Variants in TMEM47 observed in about 807,000 individuals in gnomAD.
TMEM47 encodes the protein brain cell membrane protein 1.
In TMEM47, 3 loss-of-function variants were observed where a neutral mutation model predicts 12.4. The observed-to-expected ratio is 0.24, with a 90% CI of 0.11 to 0.63. The LOEUF (loss-of-function observed/expected upper bound fraction) is 0.63, where lower values mean the gene tolerates loss of function less well. Among genes scored for constraint, TMEM47 ranks in the 20% least tolerant of loss-of-function variants. The pLI, the probability that TMEM47 is intolerant of heterozygous loss-of-function variation, is 0.86. For missense variants in TMEM47, 89 were observed against 143.8 expected, an observed-to-expected ratio of 0.62 and a Z score of 1.95; for synonymous variants, 62 against 63.3, an observed-to-expected ratio of 0.98 and a Z score of 0.10.
At position 34,640,418 on chromosome X, in the gene TMEM47, G is replaced by T. The variant is rs142989540; in HGVS notation, c.227-1031C>A. 8.2e-3 allele frequency among the ~76,000 whole-genome samples: 921 copies of T among 111,650 alleles called. 5 individuals are homozygous for T. The highest frequency in any genetic ancestry group is 0.029 in the African/African-American group (885 of 30,690). On this transcript the variant is annotated intron_variant, in intron 1 of 2. Transcript: ENST00000275954. ...TGTAGAAATAGTATGATGAAAAACT[G>T]GCCCATTTTCCATTCATAAGAATGG...
At chrX:34,645,784 C>T (rs1279757298) in intron 1 of TMEM47, among the ~76,000 whole-genome samples, 1 of 111,930 alleles carries the variant, frequency 8.9e-6, no homozygotes, top group Admixed American at 9.5e-5. Context: ...TATGAGGATA[C>T]TGCCTTTCCA....
intron 1 of TMEM47, among the ~76,000 whole-genome samples, chrX:34,648,206 CA>C (rs1334577297): frequency 9.0e-6 from 1 of 111,288 alleles, no homozygotes; most frequent in Admixed American, 9.6e-5. Flanking sequence ...CATATGGAAC[CA>C]AAAAAAGAGC....
chrX:34,639,999 C>CT (rs1286939543), intron 1 of TMEM47, among the ~76,000 whole-genome samples: 2 of 111,248 alleles, frequency 1.8e-5, no homozygotes, highest in African/African-American at 3.3e-5. Context: ...GTAGTATATT[C>CT]TTTTTTTTAT....
At position 34,629,617 on chromosome X, in the gene TMEM47, C is replaced by T. The variant is rs1289361373; in HGVS notation, c.*696G>A. Reference sequence around the variant, plus strand: ...TTCTTTCTGTTTGCCCCAGGAAAAACAGAGATCCTCAATTTTTCCCCAGTC... The same window carrying T: ...TTCTTTCTGTTTGCCCCAGGAAAAATAGAGATCCTCAATTTTTCCCCAGTC... On this transcript the variant is annotated 3_prime_UTR_variant, in exon 3 of 3. Transcript: ENST00000275954. The T allele has an allele frequency of 1.8e-5, 2 of 111,498 alleles. No homozygotes were observed. Among genetic ancestry groups the T allele is most frequent in the East Asian group, 5.6e-4 (2 of 3,542 alleles). 9.2% of individuals were successfully genotyped at this position (111,498 alleles called of 1,213,427 possible).
At chrX:34,649,449 C>A (rs1921974811) in intron 1 of TMEM47, among the ~76,000 whole-genome samples, 1 of 111,282 alleles carries the variant, frequency 9.0e-6, no homozygotes, top group Non-Finnish European at 1.9e-5. Context: ...AACGCAGGAA[C>A]AGAAAACCAA....
chrX:34,646,216 C>G (rs777504480), intron 1 of TMEM47, among the ~76,000 whole-genome samples: 16 of 111,803 alleles, frequency 1.4e-4, no homozygotes, highest in Non-Finnish European at 2.8e-4. Context: ...AACACACATA[C>G]TTTTTATTTT....
At chrX:34,635,224 G>C (rs913739820) in intron 2 of TMEM47, among the ~76,000 whole-genome samples, 1 of 111,510 alleles carries the variant, frequency 9.0e-6, no homozygotes, top group Non-Finnish European at 1.9e-5. Context: ...CTCTGAATGA[G>C]ATTATTCTCG....
intron 1 of TMEM47, among the ~76,000 whole-genome samples, chrX:34,641,744 A>C (rs1280977194): frequency 8.9e-6 from 1 of 112,547 alleles, no homozygotes; most frequent in Non-Finnish European, 1.9e-5. Context: ...CCAGACGAGA[A>C]ATATTTTTGG....
chrX:34,646,844 TC>T (rs752590811), intron 1 of TMEM47, among the ~76,000 whole-genome samples: 2 of 111,564 alleles, frequency 1.8e-5, no homozygotes, highest in Admixed American at 1.9e-4. Flanking sequence ...AAGCTAGTAC[TC>T]CCACCAGCTC....
chrX:34,628,876 C>T lies in TMEM47; in HGVS notation c.*1437G>A. On this transcript the variant is annotated 3_prime_UTR_variant, in exon 3 of 3. Coordinates refer to ENST00000275954, the MANE Select transcript of TMEM47 (RefSeq NM_031442.4). ...ATTTGTATATTAAACAGAATTAACA[C>T]AAGTTTGCAGCATGAGATTAGTTGC... 2 of 111,856 alleles carry T rather than the reference C, an allele frequency of 1.8e-5. No homozygotes were observed. Among genetic ancestry groups the T allele is most frequent in the East Asian group, 5.6e-4 (2 of 3,556 alleles). The allele number at this position is 111,856 out of a possible 1,213,427, so 9.2% of individuals were successfully genotyped here. A position where few individuals can be genotyped will look rare whatever the true frequency, so the allele number is the denominator to read the frequency against.
Position 34,656,924 on chromosome X carries a change from C to T in TMEM47, c.106G>A (p.Gly36Arg). The change falls in exon 1 of 3, where the codon GGG becomes AGG. Residue 36 changes from glycine (G) to arginine (R), a missense_variant. Gly to Arg is a moderately radical substitution (Grantham distance 125). Coordinates refer to ENST00000275954, the MANE Select transcript of TMEM47 (RefSeq NM_031442.4). ...CIFLALCLDL[G>R]AVLSPAWVTA... The stretch of plus-strand genomic sequence containing the variant: ...ACCCAGGCCGGGCTCAGCACCGCCC[C>T]CAGGTCCAGACACAGCGCCAGGAAG... 1 of 1,185,577 alleles carries T rather than the reference C, an allele frequency of 8.4e-7. No homozygotes were observed. The highest frequency in any genetic ancestry group is 1.1e-6 in the Non-Finnish European group (1 of 882,393).
rs141885084 is a variant in TMEM47 at position 34,631,792 on chromosome X, A to G, written c.368-1301T>C. ...TTTATGTTGTGGATATGCACAAGAC[A>G]TAATGTCTTCCACTTAAAATTCTTA... On this transcript the variant is annotated intron_variant, in intron 2 of 2. Coordinates refer to ENST00000275954, the MANE Select transcript of TMEM47 (RefSeq NM_031442.4). Among the ~76,000 whole-genome samples, 375 of 112,575 alleles carry G rather than the reference A, an allele frequency of 3.3e-3. 2 individuals carry two copies. The highest frequency in any genetic ancestry group is 0.011 in the African/African-American group (348 of 31,057).
At chrX:34,652,950 A>G (rs933664326) in intron 1 of TMEM47, among the ~76,000 whole-genome samples, 14 of 112,332 alleles carry the variant, frequency 1.2e-4, no homozygotes, top group African/African-American at 4.5e-4. Context: ...TCCCCGGAGC[A>G]AATCACATTG....
intron 1 of TMEM47, among the ~76,000 whole-genome samples, chrX:34,646,802 C>T (rs1921919471): frequency 9.0e-6 from 1 of 110,969 alleles, no homozygotes; most frequent in African/African-American, 3.3e-5. Context: ...TTAAGATACC[C>T]CTTTAGTAAA....
At chrX:34,645,850 T>C (rs147875773) in intron 1 of TMEM47, among the ~76,000 whole-genome samples, 52 of 112,293 alleles carry the variant, frequency 4.6e-4, no homozygotes, top group Non-Finnish European at 9.0e-4. Flanking sequence ...ATAAATACTA[T>C]GTGTGTTGTG....
chrX:34,635,009 C>T lies in TMEM47; in HGVS notation c.367+4238G>A, dbSNP rs560150654. On this transcript the variant is annotated intron_variant, in intron 2 of 2. Coordinates refer to ENST00000275954, the MANE Select transcript of TMEM47 (RefSeq NM_031442.4). ...TCCTATCCATATATTTTTATCTTCC[C>T]CACTTCAGTACATGCTACCCTGACT... 2.7e-5 allele frequency among the ~76,000 whole-genome samples: 3 copies of T among 111,681 alleles called. No homozygotes were observed. The South Asian group carries it at 1.1e-3, about 42-fold the overall frequency.
At chrX:34,651,321 C>G (rs2039214414) in intron 1 of TMEM47, among the ~76,000 whole-genome samples, 1 of 111,983 alleles carries the variant, frequency 8.9e-6, no homozygotes, top group African/African-American at 3.3e-5. Context: ...ATCCTAAGAC[C>G]ACAATGCTAG....
intron 2 of TMEM47, among the ~76,000 whole-genome samples, chrX:34,637,302 G>A (rs1005164811): frequency 2.1e-4 from 23 of 109,310 alleles, no homozygotes; most frequent in African/African-American, 7.3e-4. Context: ...AAGGTAATAA[G>A]CCCGCCCTAA....
Position 34,629,835 on chromosome X carries a change from T to C in TMEM47, c.*478A>G, listed in dbSNP as rs764721955. Reference sequence around the variant, plus strand: ...CATTAGATGCTGAAGGGCAGTTCATTTTTCAAGGGCTCACTCAAGCAAATA... The same window carrying C: ...CATTAGATGCTGAAGGGCAGTTCATCTTTCAAGGGCTCACTCAAGCAAATA... On this transcript the variant is annotated 3_prime_UTR_variant, in exon 3 of 3. Coordinates refer to ENST00000275954, the MANE Select transcript of TMEM47 (RefSeq NM_031442.4). 8.9e-6 allele frequency: 1 copy of C among 112,272 alleles called. No homozygotes were observed. The highest frequency in any genetic ancestry group is 2.8e-4 in the East Asian group (1 of 3,539). The allele number at this position is 112,272 out of a possible 1,213,427, so 9.3% of individuals were successfully genotyped here.
Sources: gnomAD v4.1 joint callset for allele counts (sites outside exome capture counted in the v4.1 genomes callset) on GRCh38, gnomAD v4.1.1 for gene constraint, MANE v1.5 for transcripts, NCBI Gene and HGNC (gene_info 2026-07-23, HGNC 2026-07-21) for gene names.